Variants in STOX2 observed in about 807,000 individuals in gnomAD.
STOX2 encodes the protein storkhead box 2, also known as storkhead-box protein 2.
A neutral mutation model predicts 60.9 loss-of-function variants in STOX2; 28 were observed. The observed-to-expected ratio is 0.46, with a 90% confidence interval of 0.34 to 0.63. The LOEUF (loss-of-function observed/expected upper bound fraction) is 0.63, where lower values mean the gene tolerates loss of function less well. Ranked by LOEUF, STOX2 falls within the 30% of genes least tolerant of loss-of-function variation. The probability of loss-of-function intolerance (pLI) is 0.01; values close to 1 mark genes in which losing one functional copy is unlikely to be tolerated. For missense variants in STOX2, 1,024 were observed against 1,187.7 expected, an observed-to-expected ratio of 0.86 and a Z score of 2.03; for synonymous variants, 472 against 463.9, an observed-to-expected ratio of 1.02 and a Z score of -0.22.
intron 1 of STOX2, among the ~76,000 whole-genome samples, chr4:183,855,014 A>C (rs1740254097): frequency 6.6e-6 from 1 of 152,206 alleles, no homozygotes; most frequent in African/African-American, 2.4e-5. Context: ...CTGAAATATT[A>C]ATGTTTAAGC....
intron 1 of STOX2, among the ~76,000 whole-genome samples, chr4:183,961,907 C>G (rs981150284): frequency 2.0e-5 from 3 of 152,234 alleles, no homozygotes; most frequent in Non-Finnish European, 4.4e-5. Context: ...ATGCCAAAGC[C>G]AGACAGCTTG....
At chr4:183,909,981 A>T (rs1428855717) in intron 1 of STOX2, among the ~76,000 whole-genome samples, 1 of 152,238 alleles carries the variant, frequency 6.6e-6, no homozygotes, top group Non-Finnish European at 1.5e-5. Flanking sequence ...AGTCTCGAAG[A>T]CTATGCCTTA....
At chr4:183,820,523 T>C (rs989816070) in intron 1 of STOX2, among the ~76,000 whole-genome samples, 2 of 152,226 alleles carry the variant, frequency 1.3e-5, no homozygotes, top group Non-Finnish European at 2.9e-5. Flanking sequence ...TATTGGAGGA[T>C]TCAATGAGAT....
chr4:183,828,787 C>A (rs1048863602), intron 1 of STOX2, among the ~76,000 whole-genome samples: 3 of 152,152 alleles, frequency 2.0e-5, no homozygotes, highest in South Asian at 4.1e-4. Context: ...TTTGGGGGAC[C>A]TTGCCAAATT....
At chr4:183,938,136 G>C (rs941363829) in intron 1 of STOX2, among the ~76,000 whole-genome samples, 3 of 152,128 alleles carry the variant, frequency 2.0e-5, no homozygotes, top group Non-Finnish European at 4.4e-5. Context: ...GCGACAGAAT[G>C]AGACCCTGTC....
chr4:183,818,664 A>G (rs536997606), intron 1 of STOX2, among the ~76,000 whole-genome samples: 5 of 135,076 alleles, frequency 3.7e-5, no homozygotes, highest in African/African-American at 1.1e-4. Flanking sequence ...ACTTCCCAGA[A>G]GGGGCGGCCG....
At chr4:184,006,016 A>G (rs554776974) in intron 2 of STOX2, among the ~76,000 whole-genome samples, 1 of 152,288 alleles carries the variant, frequency 6.6e-6, no homozygotes, top group Admixed American at 6.5e-5. Context: ...GAACTACTAG[A>G]GAACTTGTTT....
upstream of STOX2, among the ~76,000 whole-genome samples, chr4:183,902,865 C>A (rs1395672650): frequency 6.6e-6 from 1 of 152,228 alleles, no homozygotes; most frequent in Non-Finnish European, 1.5e-5. Flanking sequence ...GATTATTCTA[C>A]ATCAGGCTAG....
chr4:183,870,963 A>C (rs1740674712), intron 1 of STOX2, among the ~76,000 whole-genome samples: 1 of 152,256 alleles, frequency 6.6e-6, no homozygotes, highest in Non-Finnish European at 1.5e-5. Flanking sequence ...AGTTAAACTT[A>C]AGAAGCCTAG....
At chr4:184,004,576 G>C (rs1226839824) in intron 2 of STOX2, among the ~76,000 whole-genome samples, 1 of 151,746 alleles carries the variant, frequency 6.6e-6, no homozygotes, top group Non-Finnish European at 1.5e-5. Flanking sequence ...CTCCAGCCTG[G>C]GCGACAGAGC....
intron 1 of STOX2, among the ~76,000 whole-genome samples, chr4:183,983,308 G>A (rs1361960779): frequency 1.3e-5 from 2 of 151,912 alleles, no homozygotes; most frequent in African/African-American, 4.8e-5. Context: ...TGCTCTCCTG[G>A]TCCTCTTTCC....
chr4:183,874,011 T>C (rs1740755386), intron 1 of STOX2, among the ~76,000 whole-genome samples: 1 of 152,202 alleles, frequency 6.6e-6, no homozygotes, highest in African/African-American at 2.4e-5. Context: ...CTCATCCTTT[T>C]CCCTACATGG....
At chr4:183,824,437 T>C (rs764202502) in intron 1 of STOX2, among the ~76,000 whole-genome samples, 1 of 152,146 alleles carries the variant, frequency 6.6e-6, no homozygotes, top group Non-Finnish European at 1.5e-5. Flanking sequence ...AAAGGCACGC[T>C]GGAGAGAGGG....
At chr4:183,912,737 A>G (rs576393799) in intron 1 of STOX2, among the ~76,000 whole-genome samples, 2 of 152,246 alleles carry the variant, frequency 1.3e-5, no homozygotes, top group East Asian at 3.9e-4. Flanking sequence ...CCTTATTCAC[A>G]TCTCTATTTT....
At chr4:183,833,243 C>G (rs1292671125) in intron 1 of STOX2, among the ~76,000 whole-genome samples, 2 of 152,166 alleles carry the variant, frequency 1.3e-5, no homozygotes, top group African/African-American at 4.8e-5. Context: ...TGCTTTGCAA[C>G]CTGCCCCATG....
chr4:184,023,077 C>A lies in STOX2; in HGVS notation c.*5793C>A, dbSNP rs908233419. On this transcript the variant is annotated 3_prime_UTR_variant, in exon 4 of 4. Transcript: ENST00000308497. ...TTGCATTAGGGTAAATGAATTAAGA[C>A]GTGCAAGTGGGATTTACTGTATGTT... 6.6e-6 allele frequency: 1 copy of A among 152,092 alleles called. No homozygotes were observed. Among genetic ancestry groups the A allele is most frequent in the African/African-American group, 2.4e-5 (1 of 41,404 alleles). The allele number at this position is 152,092 out of a possible 1,614,324, so 9.4% of individuals were successfully genotyped here. A position where few individuals can be genotyped will look rare whatever the true frequency, so the allele number is the denominator to read the frequency against.
intron 1 of STOX2, among the ~76,000 whole-genome samples, chr4:183,949,770 T>C (rs1409010871): frequency 1.3e-5 from 2 of 152,254 alleles, no homozygotes; most frequent in Non-Finnish European, 2.9e-5. Flanking sequence ...AAGATATTTT[T>C]ATATTTTTAG....
chr4:183,873,884 C>T (rs1484061302), intron 1 of STOX2, among the ~76,000 whole-genome samples: 2 of 152,186 alleles, frequency 1.3e-5, no homozygotes, highest in African/African-American at 4.8e-5. Flanking sequence ...ATTGTAACTC[C>T]AGTGCTCTGT....
At chr4:183,891,310 C>A (rs369971782) in intron 1 of STOX2, among the ~76,000 whole-genome samples, 2 of 6,404 alleles carry the variant, frequency 3.1e-4, no homozygotes, top group Admixed American at 1.9e-3. Flanking sequence ...ATATATATAT[C>A]TATGATGGAA....
Sources: allele counts gnomAD v4.1 joint callset (sites outside exome capture counted in the v4.1 genomes callset), GRCh38; gene constraint gnomAD v4.1.1; transcripts MANE v1.5; gene names NCBI Gene and HGNC (gene_info 2026-07-23, HGNC 2026-07-21).